Variants in DAB1 observed in about 807,000 individuals in gnomAD.
The protein encoded by DAB1 is disabled homolog 1.
In DAB1, 15 loss-of-function variants were observed where a neutral mutation model predicts 64.6. The observed-to-expected ratio is 0.23, with a 90% CI of 0.16 to 0.36. DAB1 has a LOEUF of 0.36. Among genes scored for constraint, DAB1 ranks in the 10% least tolerant of loss-of-function variants. DAB1 has a pLI of 1.00. For missense variants in DAB1, 596 were observed against 706.7 expected, an observed-to-expected ratio of 0.84 and a Z score of 1.78; for synonymous variants, 235 against 251.9, an observed-to-expected ratio of 0.93 and a Z score of 0.64.
intron 7 of DAB1, among the ~76,000 whole-genome samples, chr1:57,633,331 GGGTTTCT>G (rs1646013726): frequency 6.6e-6 from 1 of 152,212 alleles, no homozygotes; most frequent in Non-Finnish European, 1.5e-5. Context: ...CTCACTCCCA[GGGTTTCT>G]GATTAAGTGG....
At chr1:57,010,902 C>T (rs1254725377) in intron 13 of DAB1, 112 bp from the exon 14 acceptor site, 4 of 920,528 alleles carry the variant, frequency 4.3e-6, no homozygotes, top group Admixed American at 5.7e-5. Flanking sequence ...AAGGAGGGTG[C>T]AACGGCATTT....
chr1:57,756,034 C>T (rs3118051), intron 6 of DAB1, among the ~76,000 whole-genome samples: 25,489 of 149,592 alleles, frequency 0.17, 2,971 homozygotes, highest in East Asian at 0.36. Flanking sequence ...TGTACTTACT[C>T]TGCAACTGGC....
chr1:58,341,837 T>C (rs550514985), intron 4 of DAB1, among the ~76,000 whole-genome samples: 7 of 152,318 alleles, frequency 4.6e-5, no homozygotes, highest in African/African-American at 1.7e-4. Context: ...TTAATGATTA[T>C]TTTATTACCA....
chr1:57,462,764 T>C (rs1242640599), intron 7 of DAB1, among the ~76,000 whole-genome samples: 1 of 152,056 alleles, frequency 6.6e-6, no homozygotes, highest in African/African-American at 2.4e-5. Flanking sequence ...TATTTGGTGG[T>C]TTATTATTGA....
At chr1:58,324,052 G>A (rs1662764310) in intron 4 of DAB1, among the ~76,000 whole-genome samples, 1 of 151,818 alleles carries the variant, frequency 6.6e-6, no homozygotes, top group Non-Finnish European at 1.5e-5. Flanking sequence ...GTACAAACAT[G>A]TACCCACCAT....
At position 58,301,864 on chromosome 1, in the gene DAB1, C is replaced by T. The variant is rs1050891958; in HGVS notation, n.309+41488G>A. On this transcript the variant is annotated intron_variant and non_coding_transcript_variant, in intron 4 of 20. Transcript: ENST00000485760. ...AAATAAGAAAAATAAAAGCATCTAC[C>T]CTATAGGGTTGTGGTAAGAATTCTG... Among the ~76,000 whole-genome samples, 11 of 152,146 alleles carry T rather than the reference C, an allele frequency of 7.2e-5. No individual in the cohort carries two copies. The South Asian group carries it at 8.3e-4, about 11-fold the overall frequency.
At chr1:57,878,183 T>G (rs548643660) in intron 1 of DAB1, 1 of 152,222 alleles carries the variant, frequency 6.6e-6, no homozygotes, top group Non-Finnish European at 1.5e-5. Flanking sequence ...GTGAAGAACT[T>G]CAGTAAAATC....
intron 2 of DAB1, among the ~76,000 whole-genome samples, chr1:57,164,023 C>A (rs1661006621): frequency 6.6e-6 from 1 of 152,128 alleles, no homozygotes; most frequent in South Asian, 2.1e-4. Flanking sequence ...GTGCCTGGAA[C>A]TGTAACCTTG....
chr1:57,606,624 TGA>T (rs1268687954), intron 7 of DAB1, among the ~76,000 whole-genome samples: 22 of 49,636 alleles, frequency 4.4e-4, no homozygotes, highest in African/African-American at 1.7e-3. Flanking sequence ...ATATAATATA[TGA>T]AATATATTAT....
intron 3 of DAB1, among the ~76,000 whole-genome samples, chr1:58,358,560 T>C (rs886688173): frequency 6.6e-6 from 1 of 152,106 alleles, no homozygotes; most frequent in African/African-American, 2.4e-5. Flanking sequence ...CTAAATTGCA[T>C]CTTGCTTACT....
chr1:58,154,383 TG>T (rs1393857662), intron 4 of DAB1, among the ~76,000 whole-genome samples: 2 of 152,118 alleles, frequency 1.3e-5, no homozygotes, highest in Non-Finnish European at 2.9e-5. Context: ...AGGCAGAATG[TG>T]AGGAGCAGAA....
intron 7 of DAB1, among the ~76,000 whole-genome samples, chr1:57,624,720 A>G (rs898504672): frequency 1.3e-5 from 2 of 152,214 alleles, no homozygotes; most frequent in African/African-American, 4.8e-5. Context: ...AGCCATATAT[A>G]CATTTCTAAC....
At chr1:58,492,859 C>T (rs1056955147) in intron 3 of DAB1, among the ~76,000 whole-genome samples, 2 of 152,176 alleles carry the variant, frequency 1.3e-5, no homozygotes, top group African/African-American at 4.8e-5. Context: ...TGGTACCATT[C>T]CTTCTGAAAC....
intron 1 of DAB1, among the ~76,000 whole-genome samples, chr1:57,321,529 A>G (rs1430386084): frequency 1.3e-5 from 2 of 152,138 alleles, no homozygotes; most frequent in Non-Finnish European, 2.9e-5. Context: ...CTTTTTATAC[A>G]TGGGCGTGTA....
intron 7 of DAB1, among the ~76,000 whole-genome samples, chr1:57,434,043 T>C (rs1347165552): frequency 6.6e-6 from 1 of 152,114 alleles, no homozygotes; most frequent in Non-Finnish European, 1.5e-5. Flanking sequence ...CTAGTACAAG[T>C]ATAAAATGGT....
At chr1:57,803,060 C>T (rs72916575) in intron 6 of DAB1, among the ~76,000 whole-genome samples, 10,079 of 152,186 alleles carry the variant, frequency 0.066, 1,168 homozygotes, top group African/African-American at 0.23. Context: ...AGGCTATCTG[C>T]CTGCCGACCT....
At chr1:57,214,139 G>A (rs1666234657) in intron 2 of DAB1, among the ~76,000 whole-genome samples, 1 of 136,774 alleles carries the variant, frequency 7.3e-6, no homozygotes, top group Admixed American at 7.1e-5. Context: ...CTGGAGTCTT[G>A]GAAAGTCCAA....
chr1:57,813,436 A>C (rs1244375220), intron 6 of DAB1, among the ~76,000 whole-genome samples: 1 of 152,216 alleles, frequency 6.6e-6, no homozygotes, highest in Non-Finnish European at 1.5e-5. Context: ...TGTGCATTGT[A>C]TTGGGACACA....
At chr1:57,237,107 T>G (rs6675017) in intron 2 of DAB1, among the ~76,000 whole-genome samples, 6,224 of 152,274 alleles carry the variant, frequency 0.041, 418 homozygotes, top group African/African-American at 0.14. Context: ...AATGCTCCGG[T>G]CTGCCACTCT....
Sources: gnomAD v4.1 joint callset for allele counts (sites outside exome capture counted in the v4.1 genomes callset) on GRCh38, gnomAD v4.1.1 for gene constraint, MANE v1.5 for transcripts, NCBI Gene and HGNC (gene_info 2026-07-23, HGNC 2026-07-21) for gene names.